IPO9: variants seen among roughly 807,000 people sequenced by gnomAD.
IPO9 encodes importin 9.
IPO9 carries 28 observed loss-of-function variants against 128.6 expected under a neutral mutation model. That is an observed-to-expected ratio of 0.22 (90% CI 0.16 to 0.30). IPO9 has a LOEUF of 0.30. Among genes scored for constraint, IPO9 ranks in the 10% least tolerant of loss-of-function variants. The pLI is 1.00. For missense variants in IPO9, 935 were observed against 1,293.9 expected (o/e 0.72, Z 4.26); for synonymous variants, 455 against 475.8 (o/e 0.96, Z 0.57).
intron 21 of IPO9, 94 bp downstream of exon 21, chr1:201,874,466 GAAA>G: frequency 1.4e-6 from 2 of 1,390,830 alleles, no homozygotes; most frequent in Non-Finnish European, 1.9e-6. Flanking sequence ...GTCACTAATT[GAAA>G]AAAAAAGTTG....
At chr1:201,849,367 T>G (rs1234993257) in intron 4 of IPO9, among the ~76,000 whole-genome samples, 1 of 152,238 alleles carries the variant, frequency 6.6e-6, no homozygotes, top group Non-Finnish European at 1.5e-5. Context: ...CCTCCCTGCT[T>G]CTTATTCCCT....
Position 201,882,038 on chromosome 1 carries a change from C to T in IPO9, c.*5984C>T, listed in dbSNP as rs1039312548. The T allele has an allele frequency of 1.3e-5, 2 of 152,130 alleles. No homozygotes were observed. Among genetic ancestry groups the T allele is most frequent in the Admixed American group, 6.5e-5 (1 of 15,272 alleles). The allele number at this position is 152,130 out of a possible 1,614,324, so 9.4% of individuals were successfully genotyped here. ...AGGCTAGACCTTTAGTTAGCAGTCA[C>T]GGGAAAATTCCCCATTCTCACGGGG... On this transcript the variant is annotated 3_prime_UTR_variant, in exon 24 of 24. Coordinates refer to ENST00000361565, the MANE Select transcript of IPO9 (RefSeq NM_018085.5).
chr1:201,851,047 A>C (rs895625679), intron 4 of IPO9, among the ~76,000 whole-genome samples: 6 of 151,808 alleles, frequency 4.0e-5, no homozygotes, highest in African/African-American at 1.5e-4. Flanking sequence ...ACATGGTCTC[A>C]CTCTGTCACC....
chr1:201,845,070 G>A (rs370656632), intron 1 of IPO9, among the ~76,000 whole-genome samples: 27 of 152,038 alleles, frequency 1.8e-4, no homozygotes, highest in African/African-American at 5.8e-4. Flanking sequence ...AGGCTGGAGT[G>A]CAATGGCGCA....
At chr1:201,850,564 G>T (rs1415618797) in intron 4 of IPO9, 2 of 152,208 alleles carry the variant, frequency 1.3e-5, no homozygotes, top group Non-Finnish European at 2.9e-5. Flanking sequence ...TTTGGAGATT[G>T]AGATGTTGCT....
chr1:201,839,637 A>G (rs1047668436), intron 1 of IPO9, among the ~76,000 whole-genome samples: 8 of 151,806 alleles, frequency 5.3e-5, no homozygotes, highest in African/African-American at 1.9e-4. Flanking sequence ...CTCACACTAG[A>G]TTTTTTAAAA....
At chr1:201,842,012 CTGGG>C (rs1680044106) in intron 1 of IPO9, among the ~76,000 whole-genome samples, 1 of 152,146 alleles carries the variant, frequency 6.6e-6, no homozygotes, top group African/African-American at 2.4e-5. Context: ...TGGACACCAG[CTGGG>C]TGTCCTCCAA....
rs919429570 is a variant in IPO9 at position 201,870,301 on chromosome 1, T to G, written c.2134-282T>G. The stretch of plus-strand genomic sequence containing the variant: ...TTTTAGTACCAGAGGTAGACCTTTA[T>G]GATTAAAATTCATTTTGCTTGGCCA... On this transcript the variant is annotated intron_variant, in intron 17 of 23. Transcript: ENST00000361565. This position sits in a 1 kb window ranked among gnomAD's most constrained non-coding sequence, Gnocchi z 4.9. Among the ~76,000 whole-genome samples, 1 of 152,228 alleles carries G rather than the reference T, an allele frequency of 6.6e-6. No homozygotes were observed. The highest frequency in any genetic ancestry group is 2.4e-5 in the African/African-American group (1 of 41,462).
chr1:201,856,038 C>G, intron 10 of IPO9, 104 bp downstream of exon 10: 2 of 797,578 alleles, frequency 2.5e-6, no homozygotes, highest in South Asian at 2.4e-5. Context: ...AAAATAGACA[C>G]AAAAAGAATA....
At chr1:201,868,925 C>G in intron 16 of IPO9, 129 bp downstream of exon 16, 1 of 1,324,390 alleles carries the variant, frequency 7.6e-7, no homozygotes, top group Non-Finnish European at 9.9e-7. Flanking sequence ...GCTCTTTTGC[C>G]TGCAAGGACA....
rs915735793 is a variant in IPO9 at position 201,872,776 on chromosome 1, G to A, written c.2577-52G>A. 1.1e-5 allele frequency: 18 copies of A among 1,572,828 alleles called. No homozygotes were observed. The African/African-American group carries it at 1.8e-4, about 15-fold the overall frequency. On this transcript the variant is annotated intron_variant, in intron 19 of 23. Coordinates refer to ENST00000361565, the MANE Select transcript of IPO9 (RefSeq NM_018085.5). ...GGACATAATTGCTTATCTCCTTGGAGTGAACTCGAGATGGGCGGCTGATTG... is the reference window on the plus strand; with the variant it reads ...GGACATAATTGCTTATCTCCTTGGAATGAACTCGAGATGGGCGGCTGATTG...
At chr1:201,854,486 G>T in intron 6 of IPO9, 109 bp from the exon 7 acceptor site, 2 of 1,356,604 alleles carry the variant, frequency 1.5e-6, no homozygotes, top group Non-Finnish European at 1.0e-6. Flanking sequence ...ATCAGGCTTG[G>T]AGCCTGAAGA....
chr1:201,836,763 T>C (rs1338760084), intron 1 of IPO9, among the ~76,000 whole-genome samples: 1 of 152,218 alleles, frequency 6.6e-6, no homozygotes, highest in African/African-American at 2.4e-5. Context: ...TTCATCCCCC[T>C]ATAACCTAAT....
chr1:201,844,416 C>T (rs2102872595), intron 1 of IPO9, among the ~76,000 whole-genome samples: 1 of 152,058 alleles, frequency 6.6e-6, no homozygotes, highest in African/African-American at 2.4e-5. Flanking sequence ...TCACAAAAGA[C>T]AAAAATGAAG....
At position 201,857,139 on chromosome 1, in the gene IPO9, A is replaced by T; in HGVS notation, c.1166A>T (p.Glu389Val). 6.2e-7 allele frequency: 1 copy of T among 1,613,474 alleles called. No homozygotes were observed. The highest frequency in any genetic ancestry group is 1.3e-5 in the African/African-American group (1 of 75,060). The change falls in exon 11 of 24, where the codon GAA becomes GTA. Residue 389 changes from glutamate to valine, a missense_variant. Around this residue, in one of 3 missense-constraint regions of IPO9, gnomAD observed 741 missense variants for 1,019.1 expected, o/e 0.73. Transcript: ENST00000361565. ...AACCCCCAACAATTTGTAGAAGATGAAGATGATGATACATTCTCCTATACT... is the reference window on the plus strand; with the variant it reads ...AACCCCCAACAATTTGTAGAAGATGTAGATGATGATACATTCTCCTATACT... ...TANPQQFVED[E>V]DDDTFSYTVR...
chr1:201,855,275 C>A, intron 9 of IPO9, 93 bp downstream of exon 9: 2 of 743,740 alleles, frequency 2.7e-6, no homozygotes, highest in Non-Finnish European at 4.8e-6. Flanking sequence ...ACTTGAGAGG[C>A]TTCACTCTAT....
rs879121195 is a variant in IPO9 at position 201,854,362 on chromosome 1, T to C, written c.691-233T>C. Among the ~76,000 whole-genome samples, 3 of 152,172 alleles carry C rather than the reference T, an allele frequency of 2.0e-5. No homozygotes were observed. The South Asian group carries it at 6.2e-4, about 32-fold the overall frequency. On this transcript the variant is annotated intron_variant, in intron 6 of 23. Coordinates refer to ENST00000361565, the MANE Select transcript of IPO9 (RefSeq NM_018085.5). ...GATTCAGAAGCAGTTAGGAGGAAAG[T>C]TGGTCTTACATAATAGTTTTTAAGA...
At chr1:201,860,023 G>A (rs1680413916) in intron 13 of IPO9, among the ~76,000 whole-genome samples, 1 of 151,950 alleles carries the variant, frequency 6.6e-6, no homozygotes, top group Non-Finnish European at 1.5e-5. Flanking sequence ...AGCAGTAGCT[G>A]AGAATCATTG....
chr1:201,849,171 A>G (rs77917382), intron 4 of IPO9, among the ~76,000 whole-genome samples: 1,729 of 152,336 alleles, frequency 0.011, 35 homozygotes, highest in African/African-American at 0.04. Context: ...AGCCAGTTAG[A>G]GAATATGTAG....
Sources: gnomAD v4.1 joint callset for allele counts (sites outside exome capture counted in the v4.1 genomes callset) on GRCh38, gnomAD v4.1.1 for gene constraint, gnomAD v4.1.1 regional missense constraint, Gnocchi (gnomAD v3.1) non-coding constraint, MANE v1.5 for transcripts, NCBI Gene and HGNC (gene_info 2026-07-23, HGNC 2026-07-21) for gene names.